GATAD1: variants seen among roughly 807,000 people sequenced by gnomAD.
GATAD1 encodes the protein GATA zinc finger domain containing 1, also known as GATA zinc finger domain-containing protein 1.
In GATAD1, 12 loss-of-function variants were observed where a neutral mutation model predicts 26.5. That is an observed-to-expected ratio of 0.45 (90% confidence interval 0.29 to 0.73). The LOEUF is 0.73. Among genes scored for constraint, GATAD1 ranks in the 30% least tolerant of loss-of-function variants. The pLI, the probability that GATAD1 is intolerant of heterozygous loss-of-function variation, is 0.10. For synonymous variants in GATAD1, 129 were observed against 133.1 expected (o/e 0.97, Z 0.21); for missense variants, 266 against 342.1 (o/e 0.78, Z 1.75).
the GATAD1 span, among the ~76,000 whole-genome samples, chr7:92,494,803 A>T: frequency 5.3e-3 from 802 of 151,344 alleles, 5 homozygotes; most frequent in African/African-American, 0.018. Context: ...ACATATAAAT[A>T]CATATAAATG....
At position 92,447,663 on chromosome 7, in the gene GATAD1, G is replaced by T; in HGVS notation, c.-67G>T. The T allele has an allele frequency of 7.4e-7, 1 of 1,342,544 alleles. No homozygotes were observed. Among genetic ancestry groups the T allele is most frequent in the Non-Finnish European group, 9.6e-7 (1 of 1,045,124 alleles). 83.2% of individuals were successfully genotyped at this position (1,342,544 alleles called of 1,614,324 possible). On this transcript the variant is annotated 5_prime_UTR_variant, in exon 1 of 5. Coordinates refer to ENST00000287957, the MANE Select transcript of GATAD1 (RefSeq NM_021167.5). ...GCCGGGAGTGGCGGGCCGACCAGGGGGCGGCCGGGCTACCGTCCGCCATTC... is the reference window on the plus strand; with the variant it reads ...GCCGGGAGTGGCGGGCCGACCAGGGTGCGGCCGGGCTACCGTCCGCCATTC...
Position 92,457,807 on chromosome 7 carries a change from G to T in GATAD1, c.*1245G>T, listed in dbSNP as rs1789744035. The T allele has an allele frequency of 6.6e-6, 1 of 152,196 alleles. No individual in the cohort carries two copies. The highest frequency in any genetic ancestry group is 2.1e-4 in the South Asian group (1 of 4,828). 9.4% of individuals were successfully genotyped at this position (152,196 alleles called of 1,614,324 possible). On this transcript the variant is annotated 3_prime_UTR_variant, in exon 5 of 5. Coordinates refer to ENST00000287957, the MANE Select transcript of GATAD1 (RefSeq NM_021167.5). ...TGGCTGCTTTAACCATAAGAAAAAT[G>T]ATTGGTGGATGATTTTATTAGCCCA...
At chr7:92,476,674 T>C in the GATAD1 span, among the ~76,000 whole-genome samples, 5 of 151,906 alleles carry the variant, frequency 3.3e-5, no homozygotes, top group African/African-American at 1.2e-4. Flanking sequence ...CTCTCTCTCT[T>C]TCTCCTCCAT....
chr7:92,448,228 A>G (rs1162058933), intron 1 of GATAD1, among the ~76,000 whole-genome samples: 2 of 152,252 alleles, frequency 1.3e-5, no homozygotes, highest in African/African-American at 2.4e-5. Flanking sequence ...ACACATGTCT[A>G]CACAGTCGTA....
At chr7:92,449,553 C>A (rs1789329201) in intron 2 of GATAD1, 1 of 973,448 alleles carries the variant, frequency 1.0e-6, no homozygotes, top group Non-Finnish European at 1.2e-6. Flanking sequence ...GTATGATATT[C>A]TTTTCTTTCA....
chr7:92,488,289 GTTTCCTTATT>G, the GATAD1 span, among the ~76,000 whole-genome samples: 1 of 152,088 alleles, frequency 6.6e-6, no homozygotes, highest in Non-Finnish European at 1.5e-5. Context: ...ACAGAAATTT[GTTTCCTTATT>G]TTTCCTTACC....
chr7:92,469,385 G>T, the GATAD1 span: 1 of 675,282 alleles, frequency 1.5e-6, no homozygotes. Flanking sequence ...CCAGTACCTA[G>T]TGCACCTAGC....
chr7:92,462,368 T>TAAA (rs143310054), downstream of GATAD1, among the ~76,000 whole-genome samples: 1 of 141,170 alleles, frequency 7.1e-6, no homozygotes. Flanking sequence ...TCTGATTTTG[T>TAAA]AAAAAAAAAA....
At chr7:92,470,299 A>G in the GATAD1 span, 8 of 777,870 alleles carry the variant, frequency 1.0e-5, no homozygotes, top group Admixed American at 1.7e-5. Flanking sequence ...GCTACTGGTC[A>G]TACAGCGGCA....
At chr7:92,489,837 AAAC>A in the GATAD1 span, 3 of 1,614,138 alleles carry the variant, frequency 1.9e-6, no homozygotes, top group South Asian at 2.2e-5. Flanking sequence ...GAGGCTGTGA[AAAC>A]AACTGGTCTT....
the GATAD1 span, among the ~76,000 whole-genome samples, chr7:92,494,842 A>G: frequency 1.3e-5 from 2 of 151,438 alleles, no homozygotes; most frequent in African/African-American, 4.8e-5. Flanking sequence ...TATTTATTTT[A>G]ATCTTTACAA....
chr7:92,487,504 G>T, the GATAD1 span: 7 of 1,593,684 alleles, frequency 4.4e-6, no homozygotes, highest in East Asian at 2.2e-5. Flanking sequence ...GTTCCACTTT[G>T]ATTTTTTCTC....
the GATAD1 span, chr7:92,490,090 A>C: frequency 1.6e-6 from 1 of 635,202 alleles, no homozygotes; most frequent in East Asian, 2.8e-5. Flanking sequence ...ATAAAGGTTC[A>C]CTGATACCTG....
the GATAD1 span, chr7:92,473,096 C>T: frequency 2.0e-5 from 3 of 152,148 alleles, no homozygotes; most frequent in African/African-American, 7.2e-5. Context: ...CAAAGGCAAA[C>T]AAGAATTGAG....
chr7:92,494,386 T>C, the GATAD1 span: 1 of 1,613,946 alleles, frequency 6.2e-7, no homozygotes, highest in Non-Finnish European at 8.5e-7. Flanking sequence ...TAGCAGCCAA[T>C]ACATAAACAC....
downstream of GATAD1, among the ~76,000 whole-genome samples, chr7:92,462,676 G>C (rs901031171): frequency 6.6e-6 from 1 of 152,226 alleles, no homozygotes; most frequent in Non-Finnish European, 1.5e-5. Context: ...AATGGTATTA[G>C]GGGAGTAGGG....
chr7:92,468,038 G>A, the GATAD1 span, among the ~76,000 whole-genome samples: 2 of 152,170 alleles, frequency 1.3e-5, no homozygotes, highest in African/African-American at 4.8e-5. Flanking sequence ...TCTGACCTGG[G>A]GTTCTTGGCC....
At chr7:92,464,573 C>T (rs529418299), downstream of GATAD1, among the ~76,000 whole-genome samples, 2 of 152,270 alleles carry the variant, frequency 1.3e-5, no homozygotes, top group South Asian at 2.1e-4. Context: ...CACAAATATC[C>T]GAAGCCTAGA....
At chr7:92,465,959 C>T in the GATAD1 span, among the ~76,000 whole-genome samples, 1 of 150,980 alleles carries the variant, frequency 6.6e-6, no homozygotes. Context: ...GCCAAGATCG[C>T]ACCGTTGTAC....
Sources: gnomAD v4.1 joint callset for allele counts (sites outside exome capture counted in the v4.1 genomes callset) on GRCh38, gnomAD v4.1.1 for gene constraint, MANE v1.5 for transcripts, NCBI Gene and HGNC (gene_info 2026-07-23, HGNC 2026-07-21) for gene names.